The following USP32 variants were observed in gnomAD, a reference collection of about 807,000 sequenced individuals.
The protein encoded by USP32 is ubiquitin carboxyl-terminal hydrolase 32.
A neutral mutation model predicts 204.8 loss-of-function variants in USP32; 59 were observed. That is an observed-to-expected ratio of 0.29 (90% CI 0.23 to 0.36). The LOEUF is 0.36. Ranked by LOEUF, USP32 falls within the 10% of genes least tolerant of loss-of-function variation. The pLI, the probability that USP32 is intolerant of heterozygous loss-of-function variation, is 1.00. For missense variants in USP32, 1,160 were observed against 1,946.4 expected, an observed-to-expected ratio of 0.60 and a Z score of 7.60; for synonymous variants, 517 against 678.4, an observed-to-expected ratio of 0.76 and a Z score of 3.70.
upstream of USP32, chr17:60,392,584 G>A (rs1170709196): frequency 2.3e-6 from 1 of 441,324 alleles, no homozygotes; most frequent in Non-Finnish European, 4.5e-6. Context: ...GAAGACCGCA[G>A]AATCTTAGGG....
intron 1 of USP32, among the ~76,000 whole-genome samples, chr17:60,377,847 A>T (rs752552612): frequency 1.3e-5 from 2 of 152,154 alleles, no homozygotes; most frequent in Admixed American, 1.3e-4. Context: ...GGGTCACTCT[A>T]TCAGAATTTC....
intron 12 of USP32, among the ~76,000 whole-genome samples, chr17:60,227,271 C>CTTTTTTTTTTTTTT (rs376585619): frequency 8.1e-6 from 1 of 122,874 alleles, no homozygotes; most frequent in Non-Finnish European, 1.6e-5. Flanking sequence ...TTCTTTTTTT[C>CTTTTTTTTTTTTTT]TTTTTTTTTT....
At chr17:60,193,643 G>T (rs564032847) in intron 27 of USP32, among the ~76,000 whole-genome samples, 1 of 152,252 alleles carries the variant, frequency 6.6e-6, no homozygotes, top group African/African-American at 2.4e-5. Context: ...AGCTGGGGGT[G>T]GGGGAGAAGG....
At chr17:60,262,255 C>A (rs1247288159) in intron 9 of USP32, among the ~76,000 whole-genome samples, 2 of 152,122 alleles carry the variant, frequency 1.3e-5, no homozygotes, top group South Asian at 4.2e-4. Flanking sequence ...GCAATGGTGT[C>A]ATCTTGGCTC....
intron 9 of USP32, chr17:60,256,711 G>T: frequency 8.8e-7 from 1 of 1,136,270 alleles, no homozygotes. Context: ...ATCAATGCCT[G>T]CACCACGGCA....
chr17:60,275,519 AC>A (rs1437366551), intron 5 of USP32, among the ~76,000 whole-genome samples: 1 of 151,792 alleles, frequency 6.6e-6, no homozygotes, highest in Non-Finnish European at 1.5e-5. Flanking sequence ...ACACACACAT[AC>A]CCCCACACCC....
chr17:60,382,019 A>G (rs1442352427), intron 1 of USP32, among the ~76,000 whole-genome samples: 1 of 152,142 alleles, frequency 6.6e-6, no homozygotes, highest in Non-Finnish European at 1.5e-5. Context: ...TTTAAGACCA[A>G]ATTTTATGCA....
At chr17:60,296,110 T>G (rs1444336499) in intron 3 of USP32, among the ~76,000 whole-genome samples, 2 of 152,200 alleles carry the variant, frequency 1.3e-5, no homozygotes, top group African/African-American at 2.4e-5. Flanking sequence ...CACCTTAGTT[T>G]TAATATTTTT....
chr17:60,296,236 A>G (rs1287818326), intron 3 of USP32, among the ~76,000 whole-genome samples: 2 of 152,296 alleles, frequency 1.3e-5, no homozygotes, highest in East Asian at 1.9e-4. Flanking sequence ...TTATCCCCCT[A>G]AAGATATACT....
intron 2 of USP32, among the ~76,000 whole-genome samples, chr17:60,340,615 C>G (rs1255173327): frequency 1.3e-5 from 2 of 152,158 alleles, no homozygotes; most frequent in Admixed American, 6.5e-5. Context: ...GGTCTTGACT[C>G]TTTATCCAAT....
At chr17:60,343,120 C>T (rs1233339273) in intron 2 of USP32, among the ~76,000 whole-genome samples, 1 of 152,164 alleles carries the variant, frequency 6.6e-6, no homozygotes, top group East Asian at 1.9e-4. Context: ...AATATATATG[C>T]ACCCAATACA....
chr17:60,360,539 G>A (rs1220797956), intron 1 of USP32, among the ~76,000 whole-genome samples: 3 of 150,378 alleles, frequency 2.0e-5, no homozygotes, highest in Non-Finnish European at 4.4e-5. Context: ...CATGCCTGTA[G>A]TCCCAGTTAC....
chr17:60,284,451 A>C (rs1332807016), intron 5 of USP32, among the ~76,000 whole-genome samples: 1 of 151,414 alleles, frequency 6.6e-6, no homozygotes, highest in Non-Finnish European at 1.5e-5. Flanking sequence ...CGAACTCCTA[A>C]CCTTGTGATC....
intron 4 of USP32, among the ~76,000 whole-genome samples, chr17:60,293,571 C>T (rs986064378): frequency 1.3e-5 from 2 of 152,104 alleles, no homozygotes; most frequent in African/African-American, 4.8e-5. Flanking sequence ...ACGTTAGCAC[C>T]ATAACCACCG....
intron 14 of USP32, 29 bp from the exon 15 acceptor site, chr17:60,222,578 C>G: frequency 6.2e-7 from 1 of 1,600,152 alleles, no homozygotes; most frequent in Non-Finnish European, 8.5e-7. Flanking sequence ...ACAATGTTGA[C>G]TTTCAATATT....
At chr17:60,368,525 G>C (rs73320777) in intron 1 of USP32, among the ~76,000 whole-genome samples, 1 of 151,934 alleles carries the variant, frequency 6.6e-6, no homozygotes, top group African/African-American at 2.4e-5. Context: ...ATTGCGGTTG[G>C]GGGGCGGGGG....
In USP32 at chr17:60,236,138, G is replaced by A. The variant is rs144192242; in HGVS notation, c.1239C>T (p.Tyr413=). 1.1e-4 allele frequency: 177 copies of A among 1,612,242 alleles called. 1 individual carries two copies. The highest frequency in any genetic ancestry group is 2.6e-4 in the South Asian group (24 of 90,992). Residue 413 remains tyrosine (Y), a splice_region_variant and synonymous_variant, in exon 12 of 34, where the codon TAC becomes TAT. Transcript: ENST00000300896. ...GTAAATAGACAGGAATCTAACTCAC[G>A]TATTTGACATATTCTTTCCACTGTT... is the stretch of plus-strand genomic sequence containing the variant. ...WWQQWKEYVK[Y]DANPVVIEPS... is the part of the protein sequence containing the mutation.
At chr17:60,365,206 T>C (rs1486549889) in intron 1 of USP32, among the ~76,000 whole-genome samples, 3 of 152,096 alleles carry the variant, frequency 2.0e-5, no homozygotes, top group African/African-American at 7.2e-5. Flanking sequence ...TTTAGCCGGG[T>C]GCGGTGGCTC....
intron 9 of USP32, 87 bp downstream of exon 9, chr17:60,265,325 A>G: frequency 1.1e-6 from 1 of 877,384 alleles, no homozygotes; most frequent in South Asian, 1.7e-5. Context: ...GATGCCAAAG[A>G]GATTCAAGCA....
Sources: gnomAD v4.1 joint callset for allele counts (sites outside exome capture counted in the v4.1 genomes callset) on GRCh38, gnomAD v4.1.1 for gene constraint, MANE v1.5 for transcripts, NCBI Gene and HGNC (gene_info 2026-07-23, HGNC 2026-07-21) for gene names.